The following CBLB variants were observed in gnomAD, a reference collection of about 807,000 sequenced individuals.
CBLB encodes the protein E3 ubiquitin-protein ligase CBL-B.
A neutral mutation model predicts 104.9 loss-of-function variants in CBLB; 31 were observed. The ratio of observed to expected loss-of-function variants is 0.30; its 90% CI spans 0.22 to 0.40. The LOEUF is 0.40. Among genes scored for constraint, CBLB ranks in the 10% least tolerant of loss-of-function variants. The pLI, the probability that CBLB is intolerant of heterozygous loss-of-function variation, is 1.00. For missense variants in CBLB, 1,062 were observed against 1,214.6 expected, an observed-to-expected ratio of 0.87 and a Z score of 1.87; for synonymous variants, 440 against 422.6, an observed-to-expected ratio of 1.04 and a Z score of -0.51.
chr3:105,822,694 T>C (rs1048696800), intron 3 of CBLB, among the ~76,000 whole-genome samples: 1 of 152,210 alleles, frequency 6.6e-6, no homozygotes, highest in Admixed American at 6.5e-5. Context: ...CTATCCATTT[T>C]GTTTCACTTT....
chr3:105,778,566 AAAAC>A (rs1231731680), intron 3 of CBLB, among the ~76,000 whole-genome samples: 1 of 152,174 alleles, frequency 6.6e-6, no homozygotes. Flanking sequence ...AGTTTAAAAA[AAAAC>A]AGTCACCTAT....
chr3:105,797,231 C>T (rs2082346184), intron 3 of CBLB, among the ~76,000 whole-genome samples: 1 of 152,206 alleles, frequency 6.6e-6, no homozygotes, highest in African/African-American at 2.4e-5. Context: ...GGTACATATA[C>T]ACCATGGAAT....
intron 4 of CBLB, among the ~76,000 whole-genome samples, chr3:105,768,689 GC>G (rs1490981642): frequency 6.6e-6 from 1 of 152,192 alleles, no homozygotes; most frequent in African/African-American, 2.4e-5. Flanking sequence ...TTGCAATCAA[GC>G]AAGAAAGACC....
At chr3:105,805,934 GAA>G (rs3841101) in intron 3 of CBLB, among the ~76,000 whole-genome samples, 115,072 of 145,326 alleles carry the variant, frequency 0.79, 46,179 homozygotes, top group Middle Eastern at 0.87. Context: ...AAAAGGGAAA[GAA>G]AAAAAAAAAA....
chr3:105,667,572 ATTTAGAAAAACT>A (rs1331438590), intron 18 of CBLB, among the ~76,000 whole-genome samples: 1 of 152,212 alleles, frequency 6.6e-6, no homozygotes, highest in Non-Finnish European at 1.5e-5. Flanking sequence ...TCAATTATAC[ATTTAGAAAAACT>A]TTAAGAAAAG....
At chr3:105,732,119 G>A (rs976497694) in intron 9 of CBLB, among the ~76,000 whole-genome samples, 20 of 152,172 alleles carry the variant, frequency 1.3e-4, no homozygotes, top group Non-Finnish European at 2.6e-4. Context: ...TTCTTTGTTA[G>A]TTTAACACGT....
rs2069689379 is a variant in CBLB at position 105,704,107 on chromosome 3, G to A, written c.1474C>T (p.Pro492Ser). 1 of 1,614,024 alleles carries A rather than the reference G, an allele frequency of 6.2e-7. No individual in the cohort carries two copies. Among genetic ancestry groups the A allele is most frequent in the African/African-American group, 1.3e-5 (1 of 74,928 alleles). Residue 492 changes from proline to serine, a missense_variant, in exon 11 of 19, where the codon CCA (proline) becomes TCA (serine). By Grantham distance (74) the Pro-to-Ser change is moderately conservative. Coordinates refer to ENST00000394030, the MANE Select transcript of CBLB (RefSeq NM_170662.5). ...GSSPLAQRRK[P>S]QPDPLQIPHL... ...GGGATCTGGAGTGGGTCAGGCTGTG[G>A]CTTTCTTCTCTGGGCAAGGGGAGAG...
At chr3:105,783,950 A>C (rs2080635616) in intron 3 of CBLB, among the ~76,000 whole-genome samples, 1 of 152,180 alleles carries the variant, frequency 6.6e-6, no homozygotes, top group African/African-American at 2.4e-5. Flanking sequence ...AAGCTTCCCA[A>C]ATGATTTTTT....
At chr3:105,663,398 C>T (rs941622929) in intron 18 of CBLB, among the ~76,000 whole-genome samples, 6 of 152,130 alleles carry the variant, frequency 3.9e-5, no homozygotes, top group Non-Finnish European at 2.9e-5. Context: ...GAGGAGGTAA[C>T]GATTGGTCAG....
chr3:105,780,663 T>TTG (rs2080116600), intron 3 of CBLB, among the ~76,000 whole-genome samples: 4 of 117,706 alleles, frequency 3.4e-5, no homozygotes, highest in East Asian at 2.4e-4. Flanking sequence ...GTTTTTTGTT[T>TTG]TTTTTTTTTT....
chr3:105,849,660 G>A (rs1448274486), intron 3 of CBLB, among the ~76,000 whole-genome samples: 3 of 151,952 alleles, frequency 2.0e-5, no homozygotes, highest in Admixed American at 2.0e-4. Flanking sequence ...GTAAAAGTGG[G>A]ATACAAGTTT....
In CBLB at chr3:105,826,013, T is replaced by G. The variant is rs565258552; in HGVS notation, c.419+27401A>C. Among the ~76,000 whole-genome samples, 4 of 152,270 alleles carry G rather than the reference T, an allele frequency of 2.6e-5. No homozygotes were observed. The South Asian group carries it at 8.3e-4, about 32-fold the overall frequency. ...AAATTCTTGAAAAGATAGCTTCAACTAAGCTCCTTAACAACAATTTCCTTG... is the reference window on the plus strand; with the variant it reads ...AAATTCTTGAAAAGATAGCTTCAACGAAGCTCCTTAACAACAATTTCCTTG... On this transcript the variant is annotated intron_variant, in intron 3 of 18. Coordinates refer to ENST00000394030, the MANE Select transcript of CBLB (RefSeq NM_170662.5).
intron 3 of CBLB, among the ~76,000 whole-genome samples, chr3:105,836,473 G>A (rs1025152067): frequency 1.3e-5 from 2 of 152,078 alleles, no homozygotes; most frequent in Non-Finnish European, 2.9e-5. Flanking sequence ...TTAGTCTGGG[G>A]ACATACCATG....
chr3:105,760,530 T>A (rs1044540853), intron 4 of CBLB, among the ~76,000 whole-genome samples: 3 of 152,120 alleles, frequency 2.0e-5, no homozygotes, highest in Admixed American at 6.5e-5. Context: ...AATAAAAAAA[T>A]TTCATACTCT....
intron 18 of CBLB, among the ~76,000 whole-genome samples, chr3:105,667,704 T>C (rs2064627784): frequency 6.6e-6 from 1 of 152,144 alleles, no homozygotes; most frequent in African/African-American, 2.4e-5. Flanking sequence ...GGGAGATATT[T>C]TAAAATCAAT....
At chr3:105,737,370 A>G in intron 7 of CBLB, 112 bp from the exon 8 acceptor site, 1 of 539,338 alleles carries the variant, frequency 1.9e-6, no homozygotes, top group Non-Finnish European at 3.3e-6. Context: ...TTTCCTTTTC[A>G]TGTAACATAT....
intron 2 of CBLB, among the ~76,000 whole-genome samples, chr3:105,858,355 G>A (rs963874421): frequency 1.3e-5 from 2 of 152,134 alleles, no homozygotes; most frequent in East Asian, 1.9e-4. Flanking sequence ...TACCTGCTAT[G>A]TGCAAGGAGC....
At chr3:105,837,591 G>A (rs138707692) in intron 3 of CBLB, among the ~76,000 whole-genome samples, 59 of 152,268 alleles carry the variant, frequency 3.9e-4, no homozygotes, top group African/African-American at 1.3e-3. Flanking sequence ...GGTACTAAGT[G>A]TAGCTACAAG....
intron 3 of CBLB, among the ~76,000 whole-genome samples, chr3:105,784,678 C>T (rs930244333): frequency 5.3e-5 from 8 of 152,118 alleles, no homozygotes; most frequent in Non-Finnish European, 8.8e-5. Context: ...CATAATTGAT[C>T]AGTTTTTTTT....
Sources: gnomAD v4.1 joint callset for allele counts (sites outside exome capture counted in the v4.1 genomes callset) on GRCh38, gnomAD v4.1.1 for gene constraint, MANE v1.5 for transcripts, NCBI Gene and HGNC (gene_info 2026-07-23, HGNC 2026-07-21) for gene names.